GORAB: variants seen among roughly 807,000 people sequenced by gnomAD.
GORAB encodes golgin, RAB6 interacting, also known as RAB6-interacting golgin.
GORAB carries 17 observed loss-of-function variants against 29.9 expected under a neutral mutation model. That is an observed-to-expected ratio of 0.57 (90% confidence interval 0.39 to 0.85). The LOEUF is 0.85. Among genes scored for constraint, GORAB ranks in the 40% least tolerant of loss-of-function variants. The pLI is 0.00. For synonymous variants in GORAB, 183 were observed against 157.2 expected, an observed-to-expected ratio of 1.16 and a Z score of -1.23; for missense variants, 442 against 437.8, an observed-to-expected ratio of 1.01 and a Z score of -0.09.
chr1:170,534,138 A>G (rs1415630536), intron 1 of GORAB, among the ~76,000 whole-genome samples: 1 of 152,236 alleles, frequency 6.6e-6, no homozygotes, highest in African/African-American at 2.4e-5. Context: ...GGAAACAACC[A>G]AAGTGTCCAT....
At chr1:170,541,134 G>A (rs1649390285) in intron 2 of GORAB, among the ~76,000 whole-genome samples, 1 of 147,802 alleles carries the variant, frequency 6.8e-6, no homozygotes, top group Non-Finnish European at 1.5e-5. Context: ...AACCTGGGAG[G>A]TGGACGTTGC....
intron 1 of GORAB, among the ~76,000 whole-genome samples, chr1:170,538,708 T>A (rs1649204112): frequency 6.6e-6 from 1 of 152,214 alleles, no homozygotes; most frequent in Non-Finnish European, 1.5e-5. Context: ...ATTACATGCC[T>A]GTTATAGCAT....
In GORAB at chr1:170,542,528, C is replaced by G. The variant is rs1445211374; in HGVS notation, c.457C>G (p.Gln153Glu). 2 of 1,613,766 alleles carry G rather than the reference C, an allele frequency of 1.2e-6. No individual in the cohort carries two copies. Among genetic ancestry groups the G allele is most frequent in the African/African-American group, 2.7e-5 (2 of 75,012 alleles). The change falls in exon 3 of 5, where the codon CAA (glutamine) becomes GAA (glutamate). Residue 153 changes from glutamine to glutamate, a missense_variant. By Grantham distance (29) the Gln-to-Glu change is conservative (BLOSUM62 2). Coordinates refer to ENST00000367763, the MANE Select transcript of GORAB (RefSeq NM_152281.3). ...KSRWEVLQQE[Q>E]RLMEEKNKRK... is the part of the protein sequence containing the mutation. ...TCGTTGGGAAGTCCTCCAACAAGAA[C>G]AACGGCTAATGGAAGAGAAAAATAA...
chr1:170,541,203 CAAAAAAAA>C (rs67384213), intron 2 of GORAB, among the ~76,000 whole-genome samples: 1 of 46,332 alleles, frequency 2.2e-5, no homozygotes, highest in Non-Finnish European at 3.6e-5. Flanking sequence ...GATTCTGTCC[CAAAAAAAA>C]AAAAAAAAAA....
In GORAB at chr1:170,552,573, A is replaced by C. The variant is rs543957819; in HGVS notation, c.*111A>C. 3.0e-4 allele frequency: 283 copies of C among 930,330 alleles called. 1 individual carries two copies. The South Asian group carries it at 3.7e-3, about 12-fold the overall frequency. The allele number at this position is 930,330 out of a possible 1,614,324, so 57.6% of individuals were successfully genotyped here. A position where few individuals can be genotyped will look rare whatever the true frequency, so the allele number is the denominator to read the frequency against. Reference sequence around the variant, plus strand: ...TCTTTAAAACAATGCTGATTTTTGAATTCATGATTAGTTTTAGTAAATTAA... The same window carrying C: ...TCTTTAAAACAATGCTGATTTTTGACTTCATGATTAGTTTTAGTAAATTAA... On this transcript the variant is annotated 3_prime_UTR_variant, in exon 5 of 5. Transcript: ENST00000367763.
rs776174965 is a variant in GORAB, at chr1:170,553,549, A to G, written c.*1087A>G. On this transcript the variant is annotated 3_prime_UTR_variant, in exon 5 of 5. Transcript: ENST00000367763. ...TTTAAAAAAAGAATTATTATCAGAG[A>G]ACATAAGCACAAGTATAAGATTGTA... The G allele has an allele frequency of 3.3e-4, 146 of 436,932 alleles. No individual in the cohort carries two copies. Among genetic ancestry groups the G allele is most frequent in the African/African-American group, 2.7e-3 (134 of 48,734 alleles). The allele number at this position is 436,932 out of a possible 1,614,324, so 27.1% of individuals were successfully genotyped here.
intron 1 of GORAB, among the ~76,000 whole-genome samples, chr1:170,536,637 A>G (rs1386467150): frequency 6.6e-6 from 1 of 152,238 alleles, no homozygotes; most frequent in African/African-American, 2.4e-5. Context: ...GAGACACATT[A>G]TTGAAATTTA....
chr1:170,539,651 T>G, intron 2 of GORAB, 84 bp downstream of exon 2: 3 of 1,425,984 alleles, frequency 2.1e-6, no homozygotes, highest in Non-Finnish European at 2.9e-6. Context: ...TATAATTTGT[T>G]TATTTTAACA....
intron 1 of GORAB, among the ~76,000 whole-genome samples, chr1:170,537,308 C>G (rs574756876): frequency 1.1e-4 from 17 of 152,256 alleles, no homozygotes; most frequent in Admixed American, 3.3e-4. Context: ...TGTTATGTCA[C>G]TACTGGGTCA....
At chr1:170,534,034 A>G (rs188198022) in intron 1 of GORAB, among the ~76,000 whole-genome samples, 1 of 152,284 alleles carries the variant, frequency 6.6e-6, no homozygotes, top group East Asian at 1.9e-4. Context: ...GCCAGGAAAA[A>G]TAAGGACAGT....
chr1:170,538,933 T>C (rs1649218440), intron 1 of GORAB: 1 of 413,332 alleles, frequency 2.4e-6, no homozygotes, highest in Non-Finnish European at 4.3e-6. Flanking sequence ...AAAAAGAAAC[T>C]TCACTTTGTG....
intron 2 of GORAB, 29 bp from the exon 3 acceptor site, chr1:170,542,454 TTCATAAAC>T: frequency 7.5e-7 from 1 of 1,338,952 alleles, no homozygotes; most frequent in South Asian, 1.2e-5. Context: ...TTCTTTTTCT[TTCATAAAC>T]TCATTTTTAT....
In GORAB at chr1:170,553,346, C is replaced by G; in HGVS notation, c.*884C>G. 2.2e-6 allele frequency: 1 copy of G among 452,438 alleles called. No homozygotes were observed. Among genetic ancestry groups the G allele is most frequent in the Non-Finnish European group, 4.4e-6 (1 of 226,358 alleles). The allele number at this position is 452,438 out of a possible 1,614,324, so 28.0% of individuals were successfully genotyped here. On this transcript the variant is annotated 3_prime_UTR_variant, in exon 5 of 5. Transcript: ENST00000367763. ...ATGAAGCGTTTAAATTGTTAAAATG[C>G]TGATTTTCTTATTAGTTTGTTAATT...
intron 4 of GORAB, among the ~76,000 whole-genome samples, chr1:170,549,095 C>T (rs558397922): frequency 6.6e-6 from 1 of 152,006 alleles, no homozygotes; most frequent in African/African-American, 2.4e-5. Flanking sequence ...CAGGGGATAC[C>T]AAAACAAAGA....
At chr1:170,532,783 T>C (rs1358372825) in intron 1 of GORAB, 1 of 176,686 alleles carries the variant, frequency 5.7e-6, no homozygotes, top group African/African-American at 2.4e-5. Flanking sequence ...TTGCATTCAC[T>C]TCTGGTTGCC....
At chr1:170,545,988 A>G (rs1241534537) in intron 4 of GORAB, among the ~76,000 whole-genome samples, 1 of 152,236 alleles carries the variant, frequency 6.6e-6, no homozygotes, top group Non-Finnish European at 1.5e-5. Context: ...CTTGATTTGT[A>G]GCACATTTTA....
intron 4 of GORAB, among the ~76,000 whole-genome samples, chr1:170,547,187 A>C (rs538971478): frequency 1.2e-4 from 19 of 152,152 alleles, no homozygotes; most frequent in African/African-American, 3.4e-4. Context: ...AATCCCTAGG[A>C]CAGTCAGTTT....
intron 4 of GORAB, chr1:170,545,171 A>G: frequency 3.9e-6 from 4 of 1,028,492 alleles, no homozygotes; most frequent in Non-Finnish European, 4.7e-6. Flanking sequence ...CAAAGTAAAT[A>G]TCTGAGTGGT....
At chr1:170,533,579 C>T (rs186758481) in intron 1 of GORAB, 13 of 455,106 alleles carry the variant, frequency 2.9e-5, no homozygotes, top group African/African-American at 1.0e-4. Flanking sequence ...AGGAACCTCA[C>T]TCTGCCGGGG....
Sources: allele counts gnomAD v4.1 joint callset (sites outside exome capture counted in the v4.1 genomes callset), GRCh38; gene constraint gnomAD v4.1.1; transcripts MANE v1.5; gene names NCBI Gene and HGNC (gene_info 2026-07-23, HGNC 2026-07-21).